INTU: variants seen among roughly 807,000 people sequenced by gnomAD.
INTU encodes the protein protein inturned.
In INTU, 68 loss-of-function variants were observed where a neutral mutation model predicts 100.5. The ratio of observed to expected loss-of-function variants is 0.68; its 90% confidence interval spans 0.56 to 0.83. The LOEUF (loss-of-function observed/expected upper bound fraction) is 0.83. Ranked by LOEUF, INTU falls within the 40% of genes least tolerant of loss-of-function variation. The pLI, the probability that INTU is intolerant of heterozygous loss-of-function variation, is 0.00. For missense variants in INTU, 1,071 were observed against 1,114.7 expected (o/e 0.96, Z 0.56); for synonymous variants, 357 against 395.7 (o/e 0.90, Z 1.16).
At chr4:127,637,862 T>C (rs1223729691) in intron 1 of INTU, among the ~76,000 whole-genome samples, 2 of 152,166 alleles carry the variant, frequency 1.3e-5, no homozygotes, top group African/African-American at 2.4e-5. Flanking sequence ...CACTATTAGA[T>C]GTGTTCCTGA....
rs199557601 is a variant in INTU, at chr4:127,714,110, A to G, written c.2717+17A>G. ...GGTAGTAGGGTAAGTGAGAAAAAAA[A>G]GTATTTGAAAGTAAAGTGTTAGAAA... On this transcript the variant is annotated intron_variant, in intron 15 of 15. Coordinates refer to ENST00000335251, the MANE Select transcript of INTU (RefSeq NM_015693.4). 2 of 1,591,546 alleles carry G rather than the reference A, an allele frequency of 1.3e-6. No individual in the cohort carries two copies. The highest frequency in any genetic ancestry group is 2.7e-5 in the African/African-American group (2 of 73,596).
At chr4:127,690,812 A>G (rs560753788) in intron 8 of INTU, among the ~76,000 whole-genome samples, 2 of 152,222 alleles carry the variant, frequency 1.3e-5, no homozygotes, top group South Asian at 4.2e-4. Flanking sequence ...CCACAGGGGT[A>G]CAGTTGTTAT....
chr4:127,691,964 A>ATGTATG lies in INTU; in HGVS notation c.1449+4098_1449+4099insGTATGT, dbSNP rs991974493. Among the ~76,000 whole-genome samples, 40 of 57,506 alleles carry ATGTATG rather than the reference A, an allele frequency of 7.0e-4. 7 individuals are homozygous for ATGTATG. Among genetic ancestry groups the ATGTATG allele is most frequent in the African/African-American group, 2.5e-3 (40 of 16,130 alleles). 37.7% of individuals were successfully genotyped at this position (57,506 alleles called of 152,430 possible). On this transcript the variant is annotated intron_variant, in intron 8 of 15. Transcript: ENST00000335251. ...CGGAGTATAGTGTTCCATGGTATGT[A>ATGTATG]TATATATATATATATATGTCACATT... is the stretch of plus-strand genomic sequence containing the variant.
Position 127,668,964 on chromosome 4 carries a change from A to G in INTU, c.973-72A>G, listed in dbSNP as rs560291969. 104 of 645,862 alleles carry G rather than the reference A, an allele frequency of 1.6e-4. 3 individuals carry two copies. The South Asian group carries it at 2.4e-3, about 15-fold the overall frequency. The allele number at this position is 645,862 out of a possible 1,614,324, so 40.0% of individuals were successfully genotyped here. On this transcript the variant is annotated intron_variant, in intron 4 of 15. Coordinates refer to ENST00000335251, the MANE Select transcript of INTU (RefSeq NM_015693.4). ...CATTTTTTGTTCTTTTCTTAACACA[A>G]AGTTTGAACTTGCCCTGACAAAGAT...
intron 6 of INTU, among the ~76,000 whole-genome samples, chr4:127,680,101 G>A (rs1466677795): frequency 6.6e-6 from 1 of 152,134 alleles, no homozygotes; most frequent in Admixed American, 6.5e-5. Flanking sequence ...CTGAAATGGT[G>A]GCAATAATCA....
At position 127,665,381 on chromosome 4, in the gene INTU, G is replaced by A. The variant is rs571141426; in HGVS notation, c.972+1797G>A. Reference sequence around the variant, plus strand: ...TCTTTACTCATCATCCTCTTACATCGGAAACTGTCTTTATTGGATCATTCT... The same window carrying A: ...TCTTTACTCATCATCCTCTTACATCAGAAACTGTCTTTATTGGATCATTCT... On this transcript the variant is annotated intron_variant, in intron 4 of 15. Coordinates refer to ENST00000335251, the MANE Select transcript of INTU (RefSeq NM_015693.4). Among the ~76,000 whole-genome samples, 118 of 151,380 alleles carry A rather than the reference G, an allele frequency of 7.8e-4. 5 individuals carry two copies. The South Asian group carries it at 0.024, about 31-fold the overall frequency.
At chr4:127,651,794 G>A (rs1245875057) in intron 2 of INTU, among the ~76,000 whole-genome samples, 14 of 150,882 alleles carry the variant, frequency 9.3e-5, no homozygotes, top group South Asian at 6.2e-4. Flanking sequence ...CATTGAATCT[G>A]TAAATTACCT....
At chr4:127,716,193 T>C in intron 15 of INTU, 132 bp from the exon 16 acceptor site, 1 of 495,150 alleles carries the variant, frequency 2.0e-6, no homozygotes, top group Non-Finnish European at 3.6e-6. Flanking sequence ...CTCCCTAGTA[T>C]AGATTTAGAT....
At position 127,652,084 on chromosome 4, in the gene INTU, T is replaced by C. The variant is rs549605304; in HGVS notation, c.683-4552T>C. On this transcript the variant is annotated intron_variant, in intron 2 of 15. Coordinates refer to ENST00000335251, the MANE Select transcript of INTU (RefSeq NM_015693.4). ...ACATTGATTTTGTATCCTGAGACTT[T>C]GCTGAAGTTGCTTATCAGCTTAAGG... 2.2e-3 allele frequency among the ~76,000 whole-genome samples: 309 copies of C among 138,746 alleles called. 2 individuals carry two copies. Among genetic ancestry groups the C allele is most frequent in the African/African-American group, 8.0e-3 (290 of 36,066 alleles). The allele number at this position is 138,746 out of a possible 152,430, so 91.0% of individuals were successfully genotyped here.
At chr4:127,704,114 A>G in intron 9 of INTU, 114 bp from the exon 10 acceptor site, 3 of 783,624 alleles carry the variant, frequency 3.8e-6, no homozygotes, top group Non-Finnish European at 6.1e-6. Context: ...AGATGGCACT[A>G]TGAAAAGTTT....
At chr4:127,689,594 A>G (rs1343346087) in intron 8 of INTU, among the ~76,000 whole-genome samples, 1 of 152,036 alleles carries the variant, frequency 6.6e-6, no homozygotes, top group Non-Finnish European at 1.5e-5. Context: ...CTCCCCACTC[A>G]ATCATAGTTG....
intron 9 of INTU, among the ~76,000 whole-genome samples, chr4:127,700,650 A>G (rs1730607598): frequency 6.6e-6 from 1 of 152,156 alleles, no homozygotes; most frequent in Non-Finnish European, 1.5e-5. Context: ...ATAGGGTTAT[A>G]GTAGAGCTCA....
intron 3 of INTU, among the ~76,000 whole-genome samples, chr4:127,660,175 G>A (rs1279064667): frequency 2.6e-5 from 4 of 152,084 alleles, no homozygotes; most frequent in East Asian, 3.9e-4. Context: ...TTTATTGACC[G>A]GGGATGGAGG....
At chr4:127,690,192 CTT>C (rs1199602757) in intron 8 of INTU, among the ~76,000 whole-genome samples, 2 of 152,174 alleles carry the variant, frequency 1.3e-5, no homozygotes. Flanking sequence ...AAGGCTACCT[CTT>C]TTTCATTGAG....
At chr4:127,684,339 G>C in intron 6 of INTU, 70 bp from the exon 7 acceptor site, 1 of 831,304 alleles carries the variant, frequency 1.2e-6, no homozygotes, top group South Asian at 1.5e-5. Context: ...ATTCAAGGAT[G>C]ATCTACTTCT....
At chr4:127,671,794 G>A (rs1270453703) in intron 5 of INTU, among the ~76,000 whole-genome samples, 2 of 151,832 alleles carry the variant, frequency 1.3e-5, no homozygotes, top group African/African-American at 4.8e-5. Flanking sequence ...ATAAATAAAT[G>A]GAGTAAATTA....
chr4:127,652,872 A>G (rs1273903050), intron 2 of INTU, among the ~76,000 whole-genome samples: 45 of 136,372 alleles, frequency 3.3e-4, no homozygotes, highest in African/African-American at 1.1e-3. Flanking sequence ...TGGTTGGTAA[A>G]CTATTGATTA....
At chr4:127,648,922 C>T (rs1578537000) in intron 2 of INTU, among the ~76,000 whole-genome samples, 1 of 152,058 alleles carries the variant, frequency 6.6e-6, no homozygotes, top group South Asian at 2.1e-4. Flanking sequence ...AATAGTTAAC[C>T]ATCATAATGA....
At chr4:127,675,838 C>T (rs1331657255) in intron 6 of INTU, 1 of 216,008 alleles carries the variant, frequency 4.6e-6, no homozygotes, top group Non-Finnish European at 1.0e-5. Context: ...CCTTTTATGG[C>T]TTAGTCTTAA....
Sources: gnomAD v4.1 joint callset for allele counts (sites outside exome capture counted in the v4.1 genomes callset) on GRCh38, gnomAD v4.1.1 for gene constraint, MANE v1.5 for transcripts, NCBI Gene and HGNC (gene_info 2026-07-23, HGNC 2026-07-21) for gene names.